The following NCOA1 variants were observed in gnomAD, a reference collection of about 807,000 sequenced individuals.
NCOA1 encodes the protein nuclear receptor coactivator 1.
Under a neutral mutation model 150.9 loss-of-function variants are expected in NCOA1, and 35 were observed. That is an observed-to-expected ratio of 0.23 (90% CI 0.18 to 0.31). NCOA1 has a LOEUF of 0.31. NCOA1 is among the 10% of genes least tolerant of loss of function. The probability of loss-of-function intolerance (pLI) is 1.00; values close to 1 mark genes in which losing one functional copy is unlikely to be tolerated. For synonymous variants in NCOA1, 590 were observed against 630.0 expected (o/e 0.94, Z 0.95); for missense variants, 1,491 against 1,749.3 (o/e 0.85, Z 2.63).
At position 24,647,358 on chromosome 2, in the gene NCOA1, T is replaced by G. The variant is rs114553058; in HGVS notation, c.-18+3236T>G. Among the ~76,000 whole-genome samples, 932 of 152,310 alleles carry G rather than the reference T, an allele frequency of 6.1e-3. 5 individuals are homozygous for G. The highest frequency in any genetic ancestry group is 0.02 in the African/African-American group (829 of 41,580). ...CTGCCGCTTAAGTTGTTGAGCAGAT[T>G]AAGTAACTTGTCCATGCCTCAGTTT... is the stretch of plus-strand genomic sequence containing the variant. On this transcript the variant is annotated intron_variant, in intron 4 of 22. Transcript: ENST00000348332.
intron 14 of NCOA1, among the ~76,000 whole-genome samples, chr2:24,725,563 G>T (rs987827905): frequency 2.0e-5 from 3 of 152,068 alleles, no homozygotes; most frequent in Admixed American, 6.6e-5. Flanking sequence ...GATACCAGGG[G>T]TTAGGACTTC....
intron 2 of NCOA1, among the ~76,000 whole-genome samples, chr2:24,568,286 T>C (rs1666595599): frequency 6.6e-6 from 1 of 152,320 alleles, no homozygotes; most frequent in South Asian, 2.1e-4. Context: ...ATTTGCAAAG[T>C]TATATGTCCT....
At chr2:24,664,588 G>A (rs938653480) in intron 5 of NCOA1, among the ~76,000 whole-genome samples, 4 of 151,938 alleles carry the variant, frequency 2.6e-5, no homozygotes, top group Non-Finnish European at 5.9e-5. Flanking sequence ...TGCGCCTGTA[G>A]TCCCAGCTAC....
chr2:24,638,992 G>T (rs796736407), intron 3 of NCOA1, among the ~76,000 whole-genome samples: 8 of 152,204 alleles, frequency 5.3e-5, no homozygotes, highest in African/African-American at 1.9e-4. Flanking sequence ...TCTTAAATAT[G>T]TCTGGATTCA....
In NCOA1 at chr2:24,498,479, A is replaced by G. The variant is rs191640222; in HGVS notation, c.-396+6877A>G. On this transcript the variant is annotated intron_variant, in intron 1 of 22. Coordinates refer to ENST00000348332, the MANE Select transcript of NCOA1 (RefSeq NM_003743.5). ...TGCTTTGAACATTCAGGGAGAGGGA[A>G]TGATTATTGTATTTTCATTTGAGAA... Among the ~76,000 whole-genome samples, 4 of 152,298 alleles carry G rather than the reference A, an allele frequency of 2.6e-5. No individual in the cohort carries two copies. The East Asian group carries it at 7.7e-4, about 29-fold the overall frequency.
chr2:24,513,622 G>A (rs1416350178), intron 1 of NCOA1, among the ~76,000 whole-genome samples: 1 of 152,178 alleles, frequency 6.6e-6, no homozygotes, highest in Non-Finnish European at 1.5e-5. Flanking sequence ...GTGTACATAT[G>A]TGCTTGCGTA....
intron 8 of NCOA1, among the ~76,000 whole-genome samples, chr2:24,689,081 T>G (rs1672541439): frequency 1.3e-5 from 2 of 151,916 alleles, no homozygotes; most frequent in African/African-American, 4.8e-5. Flanking sequence ...ATTTCTAGGC[T>G]CGGTATTCTA....
chr2:24,611,655 C>T (rs1213772028), intron 3 of NCOA1, among the ~76,000 whole-genome samples: 1 of 152,026 alleles, frequency 6.6e-6, no homozygotes, highest in South Asian at 2.1e-4. Context: ...TGAATTGAAC[C>T]CTTTATTGTA....
intron 3 of NCOA1, among the ~76,000 whole-genome samples, chr2:24,604,374 T>G (rs957718044): frequency 1.3e-5 from 2 of 152,234 alleles, no homozygotes; most frequent in African/African-American, 4.8e-5. Flanking sequence ...TGGTGTCTCC[T>G]CTCTAACTAT....
chr2:24,570,204 T>A (rs1345176208), intron 2 of NCOA1, among the ~76,000 whole-genome samples: 1 of 152,092 alleles, frequency 6.6e-6, no homozygotes, highest in Non-Finnish European at 1.5e-5. Flanking sequence ...GATTTTTATT[T>A]ACTAAAAATA....
intron 3 of NCOA1, among the ~76,000 whole-genome samples, chr2:24,605,176 A>G (rs924731513): frequency 6.6e-6 from 1 of 152,228 alleles, no homozygotes; most frequent in African/African-American, 2.4e-5. Context: ...ATAATGAAAA[A>G]GTTTGAGATA....
chr2:24,620,934 GGTAA>G (rs1669122115), intron 3 of NCOA1, among the ~76,000 whole-genome samples: 1 of 152,056 alleles, frequency 6.6e-6, no homozygotes, highest in Non-Finnish European at 1.5e-5. Flanking sequence ...AGCTAATTAG[GGTAA>G]GTATCTTTCT....
At chr2:24,502,640 C>T (rs1251767383) in intron 1 of NCOA1, among the ~76,000 whole-genome samples, 1 of 152,142 alleles carries the variant, frequency 6.6e-6, no homozygotes, top group African/African-American at 2.4e-5. Context: ...GTTCATTTCC[C>T]ACTAGTCTGC....
At chr2:24,527,555 T>A (rs1311343945) in intron 1 of NCOA1, among the ~76,000 whole-genome samples, 1 of 152,210 alleles carries the variant, frequency 6.6e-6, no homozygotes, top group Non-Finnish European at 1.5e-5. Flanking sequence ...TTTTATTCAT[T>A]TGTTCATGAT....
rs924689234 is a variant in NCOA1 at position 24,742,279 on chromosome 2, T to C, written c.3706+93T>C. The C allele has an allele frequency of 1.1e-5, 16 of 1,425,046 alleles. No homozygotes were observed. The African/African-American group carries it at 2.1e-4, about 19-fold the overall frequency. The allele number at this position is 1,425,046 out of a possible 1,614,324, so 88.3% of individuals were successfully genotyped here. ...TGTCTGTGCTTGGACATTAAAATAG[T>C]GTGTGGAAGAGGAAAGACACTGACG... On this transcript the variant is annotated intron_variant, in intron 19 of 22. Transcript: ENST00000348332.
chr2:24,558,496 C>A (rs1291041012), intron 1 of NCOA1, among the ~76,000 whole-genome samples: 1 of 152,020 alleles, frequency 6.6e-6, no homozygotes, highest in Admixed American at 6.6e-5. Context: ...CTGATAAAAC[C>A]CATCAGATCT....
In NCOA1 at chr2:24,642,404, A is replaced by G. The variant is rs561044574; in HGVS notation, c.-174-1562A>G. Among the ~76,000 whole-genome samples, 31 of 151,640 alleles carry G rather than the reference A, an allele frequency of 2.0e-4. No homozygotes were observed. In the South Asian group the frequency reaches 6.4e-3, roughly 31 times the overall value. The stretch of plus-strand genomic sequence containing the variant: ...TCTTTGTTAGGTGTTTCCAACACCT[A>G]AATCATCTTGTGGTGTGTTACTGTT... On this transcript the variant is annotated intron_variant, in intron 3 of 22. Coordinates refer to ENST00000348332, the MANE Select transcript of NCOA1 (RefSeq NM_003743.5).
At chr2:24,717,923 G>C (rs1217967579) in intron 14 of NCOA1, among the ~76,000 whole-genome samples, 1 of 61,622 alleles carries the variant, frequency 1.6e-5, no homozygotes, top group African/African-American at 4.8e-5. Context: ...TTTTTTTTTT[G>C]AGTCTCTCTG....
intron 10 of NCOA1, among the ~76,000 whole-genome samples, chr2:24,697,226 G>A (rs989617260): frequency 2.0e-5 from 3 of 152,132 alleles, no homozygotes; most frequent in African/African-American, 4.8e-5. Flanking sequence ...AAAGGAAAAG[G>A]CTTGCTTCTT....
Sources: allele counts gnomAD v4.1 joint callset (sites outside exome capture counted in the v4.1 genomes callset), GRCh38; gene constraint gnomAD v4.1.1; transcripts MANE v1.5; gene names NCBI Gene and HGNC (gene_info 2026-07-23, HGNC 2026-07-21).